TLK2: variants seen among roughly 807,000 people sequenced by gnomAD.
The protein encoded by TLK2 is serine/threonine-protein kinase tousled-like 2.
A neutral mutation model predicts 117.3 loss-of-function variants in TLK2; 6 were observed. The observed-to-expected ratio is 0.05, with a 90% CI of 0.03 to 0.10. The LOEUF (loss-of-function observed/expected upper bound fraction) is 0.10, where lower values mean the gene tolerates loss of function less well. TLK2 is among the 10% of genes least tolerant of loss of function. The probability of loss-of-function intolerance (pLI) is 1.00; values close to 1 mark genes in which losing one functional copy is unlikely to be tolerated. For missense variants in TLK2, 299 were observed against 901.2 expected, an observed-to-expected ratio of 0.33 and a Z score of 8.56; for synonymous variants, 257 against 316.7, an observed-to-expected ratio of 0.81 and a Z score of 2.00.
intron 13 of TLK2, among the ~76,000 whole-genome samples, chr17:62,577,628 C>T (rs1263138355): frequency 6.6e-6 from 1 of 152,196 alleles, no homozygotes; most frequent in Admixed American, 6.5e-5. Flanking sequence ...TTGGTCGATG[C>T]TCTTTATAGG....
At chr17:62,513,430 G>T (rs1567825555) in intron 2 of TLK2, among the ~76,000 whole-genome samples, 1 of 146,654 alleles carries the variant, frequency 6.8e-6, no homozygotes, top group Non-Finnish European at 1.5e-5. Flanking sequence ...CTGAGCTCCC[G>T]CCTGAGCCTT....
At position 62,596,591 on chromosome 17, in the gene TLK2, A is replaced by G. The variant is rs760424691; in HGVS notation, c.1467A>G (p.Ala489=). The G allele has an allele frequency of 5.0e-6, 8 of 1,613,820 alleles. No homozygotes were observed. Among genetic ancestry groups the G allele is most frequent in the South Asian group, 1.1e-5 (1 of 91,076 alleles). Residue 489 remains alanine (A), a synonymous_variant, in exon 17 of 22, where the codon GCA becomes GCG. Coordinates refer to ENST00000346027, the MANE Select transcript of TLK2 (RefSeq NM_006852.6). ...DEKKENYHKH[A]CREYRIHKEL... ...TTTTCCCTTTTGTTTACAGGCATGC[A>G]TGTAGGGAATACCGGATTCATAAAG...
chr17:62,587,000 C>T (rs10512496), intron 16 of TLK2, among the ~76,000 whole-genome samples: 6,558 of 151,932 alleles, frequency 0.043, 150 homozygotes, highest in Middle Eastern at 0.11. Flanking sequence ...TCCTCCCGGT[C>T]ACAGTTTGCC....
intron 13 of TLK2, among the ~76,000 whole-genome samples, chr17:62,577,347 C>T (rs1182003562): frequency 1.3e-5 from 2 of 152,132 alleles, no homozygotes; most frequent in African/African-American, 4.8e-5. Flanking sequence ...TAATTCTGTA[C>T]ACATCATAAG....
At chr17:62,538,281 C>T (rs1225931025) in intron 7 of TLK2, among the ~76,000 whole-genome samples, 4 of 151,802 alleles carry the variant, frequency 2.6e-5, no homozygotes, top group African/African-American at 7.3e-5. Flanking sequence ...GTGATCCGCC[C>T]GCCTCAGCCT....
intron 9 of TLK2, among the ~76,000 whole-genome samples, chr17:62,554,899 T>C (rs914896794): frequency 6.6e-6 from 1 of 151,574 alleles, no homozygotes; most frequent in Non-Finnish European, 1.5e-5. Context: ...AAATTATACA[T>C]GCTCTTTACA....
chr17:62,478,537 T>C (rs1474624112), upstream of TLK2, among the ~76,000 whole-genome samples: 9 of 150,020 alleles, frequency 6.0e-5, no homozygotes, highest in South Asian at 1.7e-3. Flanking sequence ...CCCCTCGCGT[T>C]GCGGCCCGTC....
chr17:62,505,531 G>A (rs971693921), intron 2 of TLK2, among the ~76,000 whole-genome samples: 1 of 148,226 alleles, frequency 6.7e-6, no homozygotes, highest in Non-Finnish European at 1.5e-5. Flanking sequence ...GGGATTACAG[G>A]CATGAGCCAC....
At chr17:62,564,891 T>A (rs932235683) in intron 10 of TLK2, 110 bp from the exon 11 acceptor site, 1 of 1,365,562 alleles carries the variant, frequency 7.3e-7, no homozygotes, top group East Asian at 2.5e-5. Flanking sequence ...GAGAAGTGTA[T>A]GGTTTTCAAT....
In TLK2 at chr17:62,614,402, T is replaced by C. The variant is rs1440536062; in HGVS notation, c.*1837T>C. On this transcript the variant is annotated 3_prime_UTR_variant, in exon 22 of 22. Transcript: ENST00000346027. ...CCAGAAATATTTAAAGATGTAGTAT[T>C]CCGGCCTGTGAGTTGTCTGGGCAGG... is the stretch of plus-strand genomic sequence containing the variant. 1 of 152,212 alleles carries C rather than the reference T, an allele frequency of 6.6e-6. No individual in the cohort carries two copies. Among genetic ancestry groups the C allele is most frequent in the Non-Finnish European group, 1.5e-5 (1 of 68,064 alleles). 9.4% of individuals were successfully genotyped at this position (152,212 alleles called of 1,614,324 possible). A position where few individuals can be genotyped will look rare whatever the true frequency, so the allele number is the denominator to read the frequency against.
intron 7 of TLK2, among the ~76,000 whole-genome samples, chr17:62,541,624 A>T (rs902516975): frequency 9.9e-5 from 15 of 152,226 alleles, no homozygotes; most frequent in African/African-American, 3.6e-4. Context: ...TTTATTTTTA[A>T]GAGAGAGGTC....
chr17:62,578,584 T>G lies in TLK2; in HGVS notation c.1286+10T>G. On this transcript the variant is annotated intron_variant, in intron 14 of 21. Coordinates refer to ENST00000346027, the MANE Select transcript of TLK2 (RefSeq NM_006852.6). ...ATGAAGATAATTCACAGTAAGCTACTTCAGGGCATATTGGGTTGGAGATTG... is the reference window on the plus strand; with the variant it reads ...ATGAAGATAATTCACAGTAAGCTACGTCAGGGCATATTGGGTTGGAGATTG... The G allele has an allele frequency of 6.2e-7, 1 of 1,601,078 alleles. No individual in the cohort carries two copies. The highest frequency in any genetic ancestry group is 8.6e-7 in the Non-Finnish European group (1 of 1,168,458).
chr17:62,536,187 C>T lies in TLK2; in HGVS notation c.381C>T (p.Pro127=), dbSNP rs755533935. 9.3e-6 allele frequency: 15 copies of T among 1,611,376 alleles called. No homozygotes were observed. Among genetic ancestry groups the T allele is most frequent in the African/African-American group, 1.3e-5 (1 of 74,934 alleles). ...TTTTCCAGCGACGAGTAGAACAGCC[C>T]CTCTATGGTTTAGATGGCAGTGCTG... The part of the protein sequence containing the change: ...SNPLPRRVEQ[P]LYGLDGSAAK... Residue 127 remains proline, a synonymous_variant, in exon 7 of 22, where the codon CCC becomes CCT. Transcript: ENST00000346027.
At chr17:62,557,385 G>C (rs146234085) in intron 9 of TLK2, among the ~76,000 whole-genome samples, 21 of 152,026 alleles carry the variant, frequency 1.4e-4, no homozygotes, top group East Asian at 1.4e-3. Context: ...ATGTTCTTTT[G>C]ATTTCTATGG....
chr17:62,567,715 C>G (rs1306178979), intron 11 of TLK2, among the ~76,000 whole-genome samples: 6 of 152,140 alleles, frequency 3.9e-5, no homozygotes, highest in Non-Finnish European at 8.8e-5. Flanking sequence ...ACTAACAACA[C>G]TACTAGGTTT....
chr17:62,513,654 A>T (rs571714817), intron 2 of TLK2, among the ~76,000 whole-genome samples: 86 of 152,134 alleles, frequency 5.7e-4, no homozygotes, highest in African/African-American at 2.0e-3. Flanking sequence ...TTTGTAAAAA[A>T]TCAGTTGGAT....
upstream of TLK2, among the ~76,000 whole-genome samples, chr17:62,478,518 G>T (rs1355718548): frequency 6.7e-6 from 1 of 149,654 alleles, no homozygotes; most frequent in African/African-American, 2.4e-5. Flanking sequence ...GCCCCGGGCC[G>T]CCGGACCTCC....
At chr17:62,541,339 G>A (rs1023875574) in intron 7 of TLK2, among the ~76,000 whole-genome samples, 35 of 152,128 alleles carry the variant, frequency 2.3e-4, no homozygotes, top group Non-Finnish European at 4.3e-4. Context: ...TGCCCAGAAC[G>A]GGACCTGCTC....
intron 7 of TLK2, chr17:62,550,228 A>AC (rs757514729): frequency 5.4e-5 from 8 of 147,716 alleles, no homozygotes; most frequent in Non-Finnish European, 1.0e-4. Flanking sequence ...TCATCCACCC[A>AC]CCTCGGCCTC....
Sources: allele counts gnomAD v4.1 joint callset (sites outside exome capture counted in the v4.1 genomes callset), GRCh38; gene constraint gnomAD v4.1.1; transcripts MANE v1.5; gene names NCBI Gene and HGNC (gene_info 2026-07-23, HGNC 2026-07-21).